Variants in FAAH2 observed in about 807,000 individuals in gnomAD.
FAAH2 encodes the protein fatty-acid amide hydrolase 2.
In FAAH2, 60 loss-of-function variants were observed where a neutral mutation model predicts 36.9. The ratio of observed to expected loss-of-function variants is 1.63; its 90% CI spans 1.32 to 2.02. FAAH2 has a LOEUF of 2.02. FAAH2 is among the 30% of genes most tolerant of loss of function. FAAH2 has a pLI of 0.00. For synonymous variants in FAAH2, 214 were observed against 143.8 expected, an observed-to-expected ratio of 1.49 and a Z score of -3.49; for missense variants, 689 against 397.5, an observed-to-expected ratio of 1.73 and a Z score of -6.23.
chrX:57,356,394 G>A (rs1432583403), intron 5 of FAAH2, among the ~76,000 whole-genome samples: 1 of 110,760 alleles, frequency 9.0e-6, no homozygotes, highest in Non-Finnish European at 1.9e-5. Context: ...GGGATTTCCT[G>A]TGCTGTGAAG....
At chrX:57,184,098 A>G in the FAAH2 span, among the ~76,000 whole-genome samples, 1 of 110,746 alleles carries the variant, frequency 9.0e-6, no homozygotes, top group Admixed American at 9.6e-5. Context: ...TCTGTTGTTT[A>G]AGATGTTTAT....
At chrX:57,168,726 C>T in the FAAH2 span, among the ~76,000 whole-genome samples, 8 of 111,877 alleles carry the variant, frequency 7.2e-5, no homozygotes. Context: ...TGCCTTTAGT[C>T]TTGCAGGCTC....
chrX:57,424,089 C>T (rs2056101643), intron 7 of FAAH2, among the ~76,000 whole-genome samples: 1 of 111,997 alleles, frequency 8.9e-6, no homozygotes, highest in Non-Finnish European at 1.9e-5. Context: ...ACTTACCCAC[C>T]TGGTACATTA....
intron 10 of FAAH2, among the ~76,000 whole-genome samples, chrX:57,464,372 A>G (rs1602750031): frequency 9.0e-6 from 1 of 110,932 alleles, no homozygotes; most frequent in Non-Finnish European, 1.9e-5. Context: ...ATGTATACCT[A>G]TGTAACAAAC....
At chrX:57,235,778 T>C in the FAAH2 span, among the ~76,000 whole-genome samples, 20 of 112,800 alleles carry the variant, frequency 1.8e-4, no homozygotes, top group Non-Finnish European at 3.4e-4. Context: ...CATGTGTGCA[T>C]TGTATAATGA....
At chrX:57,375,351 C>T (rs970652392) in intron 5 of FAAH2, among the ~76,000 whole-genome samples, 33 of 81,580 alleles carry the variant, frequency 4.0e-4, no homozygotes, top group Admixed American at 5.7e-4. Context: ...TCTGGTACTG[C>T]ACTTTTTTTT....
chrX:57,216,224 C>T, the FAAH2 span, among the ~76,000 whole-genome samples: 4 of 106,274 alleles, frequency 3.8e-5, no homozygotes, highest in Admixed American at 4.2e-4. Flanking sequence ...ACCCATCACC[C>T]GAGCAGTATA....
upstream of FAAH2, among the ~76,000 whole-genome samples, chrX:57,283,858 A>G (rs1163342647): frequency 8.9e-6 from 1 of 112,058 alleles, no homozygotes; most frequent in Non-Finnish European, 1.9e-5. Context: ...AGAAACGCAG[A>G]GCTGCTACCG....
At chrX:57,306,690 TTGTG>T (rs758466450) in intron 2 of FAAH2, among the ~76,000 whole-genome samples, 2,076 of 68,536 alleles carry the variant, frequency 0.03, 45 homozygotes, top group African/African-American at 0.08. Flanking sequence ...TAGCAACATC[TTGTG>T]TGTGTGTGTG....
intron 7 of FAAH2, among the ~76,000 whole-genome samples, chrX:57,429,867 A>AT (rs201174458): frequency 0.068 from 7,298 of 106,566 alleles, 458 homozygotes; most frequent in African/African-American, 0.2. Flanking sequence ...GAATAAAGTC[A>AT]TTTTTTTTTT....
At chrX:57,289,326 T>A (rs2051910167) in intron 1 of FAAH2, among the ~76,000 whole-genome samples, 4 of 110,555 alleles carry the variant, frequency 3.6e-5, no homozygotes, top group Admixed American at 2.9e-4. Context: ...TGCTTTTGTG[T>A]CCCTATGATT....
chrX:57,298,908 A>C (rs1024904320), intron 2 of FAAH2, among the ~76,000 whole-genome samples: 2 of 110,127 alleles, frequency 1.8e-5, no homozygotes, highest in Non-Finnish European at 3.8e-5. Context: ...AACCAGGAAG[A>C]AGTTCAATCT....
At chrX:57,224,342 A>AT in the FAAH2 span, among the ~76,000 whole-genome samples, 1 of 111,290 alleles carries the variant, frequency 9.0e-6, no homozygotes, top group Admixed American at 9.5e-5. Flanking sequence ...CAAAATTAAG[A>AT]TTTTCTTTTT....
chrX:57,319,173 C>A (rs917555735), intron 3 of FAAH2, among the ~76,000 whole-genome samples: 3 of 111,433 alleles, frequency 2.7e-5, no homozygotes, highest in Admixed American at 1.9e-4. Context: ...CTGGCCAGGG[C>A]AATCAGGCAA....
At chrX:57,291,777 TATA>T (rs2146788094) in intron 1 of FAAH2, among the ~76,000 whole-genome samples, 1 of 111,182 alleles carries the variant, frequency 9.0e-6, no homozygotes, top group Non-Finnish European at 1.9e-5. Context: ...TACAATTGTA[TATA>T]ATAATTAAAT....
At position 57,388,067 on chromosome X, in the gene FAAH2, G is replaced by C. The variant is rs186810365; in HGVS notation, c.996+7038G>C. Among the ~76,000 whole-genome samples the C allele has an allele frequency of 1.9e-4, 21 of 111,174 alleles. No individual in the cohort carries two copies. In the East Asian group the frequency reaches 5.4e-3, roughly 28 times the overall value. On this transcript the variant is annotated intron_variant, in intron 7 of 10. Transcript: ENST00000374900. ...ATGGAAGTTGAGAAAATGATGTTAA[G>C]GTTCTCCTGTCAGAATAAATAGCCA...
intron 10 of FAAH2, among the ~76,000 whole-genome samples, chrX:57,462,889 T>C: frequency 8.9e-6 from 1 of 112,084 alleles, no homozygotes; most frequent in South Asian, 3.7e-4. Flanking sequence ...GCAGATGACA[T>C]GATTGTATAT....
chrX:57,457,965 CA>C (rs1300731506), intron 10 of FAAH2, among the ~76,000 whole-genome samples: 1 of 111,222 alleles, frequency 9.0e-6, no homozygotes, highest in African/African-American at 3.3e-5. Flanking sequence ...TCATTTGGAA[CA>C]AAAAAAGAAC....
the FAAH2 span, among the ~76,000 whole-genome samples, chrX:57,216,741 C>T: frequency 1.0e-5 from 1 of 99,881 alleles, no homozygotes; most frequent in Non-Finnish European, 2.0e-5. Context: ...CATGCGTGTG[C>T]AAGTATCTTT....
Sources: gnomAD v4.1 joint callset for allele counts (sites outside exome capture counted in the v4.1 genomes callset) on GRCh38, gnomAD v4.1.1 for gene constraint, MANE v1.5 for transcripts, NCBI Gene and HGNC (gene_info 2026-07-23, HGNC 2026-07-21) for gene names.